Variants in TMTC2 observed in about 807,000 individuals in gnomAD.
TMTC2 encodes the protein transmembrane O-mannosyltransferase targeting cadherins 2, also known as protein O-mannosyl-transferase TMTC2.
A neutral mutation model predicts 82.4 loss-of-function variants in TMTC2; 43 were observed. The observed-to-expected ratio is 0.52, with a 90% CI of 0.41 to 0.67. The LOEUF is 0.67. TMTC2 is among the 30% of genes least tolerant of loss of function. TMTC2 has a pLI of 0.00. For missense variants in TMTC2, 919 were observed against 1,012.4 expected (o/e 0.91, Z 1.25); for synonymous variants, 408 against 381.9 (o/e 1.07, Z -0.80).
intron 1 of TMTC2, among the ~76,000 whole-genome samples, chr12:82,834,469 C>T (rs1869922196): frequency 6.6e-6 from 1 of 152,176 alleles, no homozygotes; most frequent in African/African-American, 2.4e-5. Flanking sequence ...AGCTATAGTT[C>T]CTTCAACATC....
intron 3 of TMTC2, among the ~76,000 whole-genome samples, chr12:82,927,181 C>G (rs1875766936): frequency 6.6e-6 from 1 of 152,200 alleles, no homozygotes; most frequent in African/African-American, 2.4e-5. Context: ...ATTCTAGATG[C>G]CATTCAGAAC....
At chr12:82,774,633 ATTTTTTTT>A (rs1211938967) in intron 1 of TMTC2, among the ~76,000 whole-genome samples, 2 of 131,016 alleles carry the variant, frequency 1.5e-5, no homozygotes, top group Non-Finnish European at 3.3e-5. Flanking sequence ...AAAAAGAACA[ATTTTTTTT>A]TTTTTTTTTG....
At chr12:82,824,403 T>C (rs1319890152) in intron 1 of TMTC2, among the ~76,000 whole-genome samples, 2 of 152,252 alleles carry the variant, frequency 1.3e-5, no homozygotes, top group Non-Finnish European at 2.9e-5. Flanking sequence ...TATAATAATT[T>C]GGTTCAGGAT....
rs202056996 is a variant in TMTC2 at position 82,896,621 on chromosome 12, A to C, written c.1458A>C (p.Ser486=). 2.6e-5 allele frequency: 42 copies of C among 1,608,936 alleles called. No individual in the cohort carries two copies. In the South Asian group the frequency reaches 2.8e-4, roughly 11 times the overall value. Residue 486 remains serine (S), a synonymous_variant, in exon 3 of 12, where the codon TCA becomes TCC. Coordinates refer to ENST00000321196, the MANE Select transcript of TMTC2 (RefSeq NM_152588.3). ...DWQNEEMLYR[S]GIKVNPAKAW... is the part of the protein sequence containing the mutation. ...AGAATGAGGAAATGCTTTATAGATCAGGGATAAAAGTAAACCCAGCTAAAG... is the reference window on the plus strand; with the variant it reads ...AGAATGAGGAAATGCTTTATAGATCCGGGATAAAAGTAAACCCAGCTAAAG...
At chr12:82,838,781 CTTG>C (rs1870183749) in intron 1 of TMTC2, among the ~76,000 whole-genome samples, 2 of 134,238 alleles carry the variant, frequency 1.5e-5, no homozygotes, top group East Asian at 2.1e-4. Context: ...AATATTTTTT[CTTG>C]TTTTTTTTTT....
At chr12:82,938,938 G>GT (rs1351986192) in intron 4 of TMTC2, among the ~76,000 whole-genome samples, 4 of 151,966 alleles carry the variant, frequency 2.6e-5, no homozygotes, top group African/African-American at 9.7e-5. Flanking sequence ...ACACTTTTAA[G>GT]TTTTTTCCCC....
chr12:82,985,540 T>C (rs2137336930), intron 7 of TMTC2, among the ~76,000 whole-genome samples: 1 of 152,228 alleles, frequency 6.6e-6, no homozygotes, highest in African/African-American at 2.4e-5. Flanking sequence ...ATTCTATAAA[T>C]ACTTGAATTT....
chr12:82,930,490 G>C lies in TMTC2; in HGVS notation c.1543G>C (p.Ala515Pro), dbSNP rs777851020. Residue 515 changes from alanine (A) to proline (P), a missense_variant, in exon 4 of 12, where the codon GCC (alanine) becomes CCC (proline). Transcript: ENST00000321196. ...SQSKISEAES[A>P]YRNALYYRSN... ...GAGCAAAATTTCTGAAGCTGAAAGC[G>C]CCTATAGAAATGCTTTGTACTACCG... The C allele has an allele frequency of 6.2e-7, 1 of 1,604,714 alleles. No homozygotes were observed. The highest frequency in any genetic ancestry group is 8.5e-7 in the Non-Finnish European group (1 of 1,172,938).
chr12:82,969,373 C>T (rs1878353945), intron 7 of TMTC2, among the ~76,000 whole-genome samples: 1 of 152,130 alleles, frequency 6.6e-6, no homozygotes, highest in African/African-American at 2.4e-5. Flanking sequence ...CCCCCAAGCA[C>T]TTGTGTATAG....
Position 82,966,963 on chromosome 12 carries a change from G to A in TMTC2, c.1914G>A (p.Arg638=). 1.2e-6 allele frequency: 2 copies of A among 1,613,266 alleles called. No individual in the cohort carries two copies. The highest frequency in any genetic ancestry group is 2.7e-5 in the African/African-American group (2 of 74,974). The change falls in exon 7 of 12, where the codon AGG becomes AGA. Residue 638 remains arginine (R), a synonymous_variant. Coordinates refer to ENST00000321196, the MANE Select transcript of TMTC2 (RefSeq NM_152588.3). ...VYKEAIQKMP[R]QFAPQSLYNM... is the part of the protein sequence containing the mutation. ...AGGAAGCAATTCAGAAAATGCCAAG[G>A]CAGTTTGCCCCACAGAGCTTGTACA...
At chr12:83,007,412 A>C (rs1180255575) in intron 8 of TMTC2, among the ~76,000 whole-genome samples, 1 of 151,424 alleles carries the variant, frequency 6.6e-6, no homozygotes, top group Non-Finnish European at 1.5e-5. Flanking sequence ...ATATGATTTT[A>C]TTTCCTCTCC....
intron 8 of TMTC2, among the ~76,000 whole-genome samples, chr12:83,021,409 C>T (rs377271937): frequency 3.9e-5 from 6 of 152,202 alleles, no homozygotes; most frequent in African/African-American, 1.4e-4. Flanking sequence ...TACCTGCATT[C>T]ACCCATGTAC....
intron 1 of TMTC2, among the ~76,000 whole-genome samples, chr12:82,744,823 A>G (rs141034534): frequency 1.2e-4 from 19 of 152,308 alleles, no homozygotes; most frequent in African/African-American, 4.6e-4. Context: ...ATACATAGTA[A>G]GCAACAGCTT....
intron 11 of TMTC2, among the ~76,000 whole-genome samples, chr12:83,074,339 T>C (rs1162353606): frequency 2.0e-5 from 3 of 152,178 alleles, no homozygotes. Context: ...TCTGTGGGTC[T>C]CTCAGCCGTG....
rs527846487 is a variant in TMTC2 at position 82,698,521 on chromosome 12, C to T, written c.83+10852C>T. ...GGGGGCTGAATGACTTGGTTGATCA[C>T]TGTACATTAAGTACAGCTGTCCCCG... On this transcript the variant is annotated intron_variant, in intron 1 of 11. Transcript: ENST00000321196. 2.6e-5 allele frequency among the ~76,000 whole-genome samples: 4 copies of T among 152,312 alleles called. No homozygotes were observed. The South Asian group carries it at 8.3e-4, about 32-fold the overall frequency.
intron 1 of TMTC2, among the ~76,000 whole-genome samples, chr12:82,772,807 C>T (rs1369988564): frequency 6.6e-6 from 1 of 152,060 alleles, no homozygotes; most frequent in African/African-American, 2.4e-5. Context: ...TATTTAAATT[C>T]TACGTTGGGT....
At chr12:82,989,366 G>A (rs1299032752) in intron 8 of TMTC2, among the ~76,000 whole-genome samples, 1 of 152,056 alleles carries the variant, frequency 6.6e-6, no homozygotes, top group Non-Finnish European at 1.5e-5. Context: ...GATACTTCTA[G>A]TTTAATCACC....
intron 1 of TMTC2, among the ~76,000 whole-genome samples, chr12:82,800,620 C>G (rs758513569): frequency 4.6e-5 from 7 of 152,098 alleles, no homozygotes; most frequent in Non-Finnish European, 8.8e-5. Flanking sequence ...ATTTAACATC[C>G]TCCCACCACC....
rs1044676970 is a variant in TMTC2 at position 82,830,023 on chromosome 12, A to G, written c.84-26987A>G. The stretch of plus-strand genomic sequence containing the variant: ...GATAATCCTGAACTATGTAGAGAAT[A>G]TTAAAGGTTTTCCTTTTTGTCCCAA... On this transcript the variant is annotated intron_variant, in intron 1 of 11. Transcript: ENST00000321196. Among the ~76,000 whole-genome samples, 37 of 152,194 alleles carry G rather than the reference A, an allele frequency of 2.4e-4. 1 individual carries two copies. Among genetic ancestry groups the G allele is most frequent in the Admixed American group, 2.2e-3 (33 of 15,272 alleles).
Sources: allele counts gnomAD v4.1 joint callset (sites outside exome capture counted in the v4.1 genomes callset), GRCh38; gene constraint gnomAD v4.1.1; transcripts MANE v1.5; gene names NCBI Gene and HGNC (gene_info 2026-07-23, HGNC 2026-07-21).